Variants in ANKRD31 observed in about 807,000 individuals in gnomAD.
ANKRD31 encodes ankyrin repeat domain-containing protein 31.
A neutral mutation model predicts 186.0 loss-of-function variants in ANKRD31; 147 were observed. That is an observed-to-expected ratio of 0.79 (90% confidence interval 0.69 to 0.91). The LOEUF (loss-of-function observed/expected upper bound fraction) is 0.91. Ranked by LOEUF, ANKRD31 falls within the 40% of genes least tolerant of loss-of-function variation. ANKRD31 has a pLI of 0.00. For synonymous variants in ANKRD31, 673 were observed against 736.4 expected (o/e 0.91, Z 1.39); for missense variants, 1,986 against 2,148.8 (o/e 0.92, Z 1.50).
In ANKRD31 at chr5:75,080,555, CTT is replaced by C. The variant is rs201792584; in HGVS notation, c.5647+11_5647+12del. 1.4e-5 allele frequency: 18 copies of C among 1,303,052 alleles called. No homozygotes were observed. The highest frequency in any genetic ancestry group is 9.2e-5 in the Admixed American group (4 of 43,398). 80.7% of individuals were successfully genotyped at this position (1,303,052 alleles called of 1,614,324 possible). On this transcript the variant is annotated intron_variant, in intron 25 of 25. Coordinates refer to ENST00000506364, the MANE Select transcript of ANKRD31 (RefSeq NM_001372053.1). ...AAAAGTAAATGGAATTGAATATTTT[CTT>C]TTTTTTTTACCTTGTCCAAATTTTG...
intron 24 of ANKRD31, among the ~76,000 whole-genome samples, chr5:75,082,448 G>C (rs573565372): frequency 6.6e-6 from 1 of 152,326 alleles, no homozygotes; most frequent in South Asian, 2.1e-4. Flanking sequence ...GGAAAAAAAA[G>C]AGGGGATGCT....
At chr5:75,129,072 G>A (rs948849057) in intron 17 of ANKRD31, among the ~76,000 whole-genome samples, 1 of 152,082 alleles carries the variant, frequency 6.6e-6, no homozygotes, top group Non-Finnish European at 1.5e-5. Flanking sequence ...TCATGAGGGT[G>A]GTTTCTAATG....
chr5:75,096,671 T>C (rs1462198521), intron 22 of ANKRD31, among the ~76,000 whole-genome samples: 2 of 152,164 alleles, frequency 1.3e-5, no homozygotes, highest in Non-Finnish European at 2.9e-5. Flanking sequence ...AAAAAATTTT[T>C]TTTTTATTAT....
chr5:75,123,114 T>C (rs745845158), intron 17 of ANKRD31, among the ~76,000 whole-genome samples: 49 of 151,942 alleles, frequency 3.2e-4, no homozygotes, highest in Non-Finnish European at 5.9e-4. Context: ...GAATACAAAA[T>C]CAATATTCAA....
At chr5:75,076,907 A>G (rs115496747) in intron 25 of ANKRD31, among the ~76,000 whole-genome samples, 268 of 152,320 alleles carry the variant, frequency 1.8e-3, no homozygotes, top group African/African-American at 6.0e-3. Flanking sequence ...CTAATCAAAA[A>G]CAAAATGATT....
chr5:75,220,718 C>T (rs1412401596), intron 3 of ANKRD31, among the ~76,000 whole-genome samples: 1 of 151,318 alleles, frequency 6.6e-6, no homozygotes. Context: ...CAACAAGCAT[C>T]CAAAAAAATG....
intron 17 of ANKRD31, among the ~76,000 whole-genome samples, chr5:75,136,710 C>T (rs1192215662): frequency 6.6e-6 from 1 of 152,190 alleles, no homozygotes; most frequent in Non-Finnish European, 1.5e-5. Context: ...AAGACACATG[C>T]ACATGTACGT....
rs11739870 is a variant in ANKRD31 at position 75,195,667 on chromosome 5, C to T, written c.981G>A (p.Thr327=). 0.027 allele frequency: 41,127 copies of T among 1,535,270 alleles called. 624 individuals are homozygous for T. Among genetic ancestry groups the T allele is most frequent in the Non-Finnish European group, 0.031 (35,296 of 1,145,854 alleles). The change falls in exon 7 of 26, where the codon ACG becomes ACA. Residue 327 remains threonine, a synonymous_variant. Transcript: ENST00000506364. ...GTGTACAATCTTCATTGGTCTGAGA[C>T]GTATTGAACTCCACTTCTAAACATT... ...RNECLEVEFN[T]SQTNEDCTQI...
rs763285153 is a variant in ANKRD31, at chr5:75,091,329, G to T, written c.5404C>A (p.Pro1802Thr). The part of the protein sequence containing the change: ...KVESGQIYKN[P>T]VTWLKDLLGG... ...AGAAGATCCTTGAGCCAGGTGACTG[G>T]GTTTTTATAAATCTGACCACTTTCT... The change falls in exon 23 of 26, where the codon CCA becomes ACA. Residue 1802 changes from proline (P) to threonine (T), a missense_variant. Pro to Thr is a conservative substitution (Grantham distance 38, BLOSUM62 -1). Coordinates refer to ENST00000506364, the MANE Select transcript of ANKRD31 (RefSeq NM_001372053.1). 3 of 1,536,946 alleles carry T rather than the reference G, an allele frequency of 2.0e-6. No individual in the cohort carries two copies. The highest frequency in any genetic ancestry group is 1.7e-4 in the Middle Eastern group (1 of 5,988).
intron 25 of ANKRD31, 83 bp from the exon 26 acceptor site, chr5:75,068,747 A>T (rs1743963580): frequency 7.3e-7 from 1 of 1,361,926 alleles, no homozygotes; most frequent in South Asian, 1.7e-5. Flanking sequence ...CCTAGAATCC[A>T]ATCAAGTCTA....
intron 6 of ANKRD31, 82 bp from the exon 7 acceptor site, chr5:75,196,282 T>C: frequency 8.7e-7 from 1 of 1,145,264 alleles, no homozygotes; most frequent in Non-Finnish European, 1.1e-6. Flanking sequence ...TTTTATAGTT[T>C]ATCTTGTTTG....
At chr5:75,091,990 C>T (rs1464438236) in intron 22 of ANKRD31, among the ~76,000 whole-genome samples, 7 of 152,086 alleles carry the variant, frequency 4.6e-5, no homozygotes, top group African/African-American at 1.7e-4. Flanking sequence ...GAAGCTACTG[C>T]CTCCCCTCCA....
chr5:75,161,435 G>A (rs1384025605), intron 11 of ANKRD31, among the ~76,000 whole-genome samples: 1 of 152,198 alleles, frequency 6.6e-6, no homozygotes, highest in Non-Finnish European at 1.5e-5. Context: ...TTCAAGAGGT[G>A]ACTTGTGTGC....
chr5:75,195,864 T>A lies in ANKRD31; in HGVS notation c.784A>T (p.Ile262Leu). The change falls in exon 7 of 26, where the codon ATA (isoleucine) becomes TTA (leucine). Residue 262 changes from isoleucine (I) to leucine (L), a missense_variant. By Grantham distance (5) the Ile-to-Leu change is conservative (BLOSUM62 2). Transcript: ENST00000506364. ...GACCAGGAATTCAAAGGTATTGATA[T>A]GGAACTAAGAGAGTCACTCAATGGG... ...MNPLSDSLSS[I>L]SIPLNSWSAC... 1.3e-6 allele frequency: 2 copies of A among 1,532,778 alleles called. No homozygotes were observed. Among genetic ancestry groups the A allele is most frequent in the Non-Finnish European group, 1.7e-6 (2 of 1,146,464 alleles). The allele number at this position is 1,532,778 out of a possible 1,614,324, so 94.9% of individuals were successfully genotyped here.
intron 1 of ANKRD31, among the ~76,000 whole-genome samples, chr5:75,231,497 G>A (rs570270618): frequency 6.6e-6 from 1 of 152,212 alleles, no homozygotes; most frequent in South Asian, 2.1e-4. Flanking sequence ...GGGATACAGA[G>A]CTATGAAAAT....
At chr5:75,099,195 G>GT (rs1399658689) in intron 22 of ANKRD31, among the ~76,000 whole-genome samples, 11 of 152,212 alleles carry the variant, frequency 7.2e-5, no homozygotes, top group African/African-American at 2.2e-4. Context: ...TAATCATGGG[G>GT]TTTTTGTCTT....
At chr5:75,124,791 GAAT>G (rs909030905) in intron 17 of ANKRD31, among the ~76,000 whole-genome samples, 28 of 150,512 alleles carry the variant, frequency 1.9e-4, no homozygotes, top group Admixed American at 1.3e-3. Flanking sequence ...ACAGAGTGTG[GAAT>G]AATAGTCACT....
intron 10 of ANKRD31, among the ~76,000 whole-genome samples, chr5:75,186,991 G>C (rs969696795): frequency 6.6e-6 from 1 of 151,260 alleles, no homozygotes; most frequent in Non-Finnish European, 1.5e-5. Flanking sequence ...ATATAGCTGA[G>C]AGAGTGAGTG....
chr5:75,226,126 G>T (rs149429227), intron 2 of ANKRD31, among the ~76,000 whole-genome samples: 11 of 152,314 alleles, frequency 7.2e-5, no homozygotes, highest in Admixed American at 3.9e-4. Flanking sequence ...TGGTTTGAGT[G>T]CCAGCTCAGC....
Sources: gnomAD v4.1 joint callset for allele counts (sites outside exome capture counted in the v4.1 genomes callset) on GRCh38, gnomAD v4.1.1 for gene constraint, MANE v1.5 for transcripts, NCBI Gene and HGNC (gene_info 2026-07-23, HGNC 2026-07-21) for gene names.